Variants in SLC25A48 observed in about 807,000 individuals in gnomAD.
SLC25A48 encodes solute carrier family 25 member 48, also known as CTC-321K16.1.
In SLC25A48, 29 loss-of-function variants were observed where a neutral mutation model predicts 32.2. That is an observed-to-expected ratio of 0.90 (90% CI 0.67 to 1.23). The LOEUF (loss-of-function observed/expected upper bound fraction) is 1.23, where lower values mean the gene tolerates loss of function less well. Ranked by LOEUF, SLC25A48 falls within the 50% of genes most tolerant of loss-of-function variation. The probability of loss-of-function intolerance (pLI) is 0.00; values close to 1 mark genes in which losing one functional copy is unlikely to be tolerated. For synonymous variants in SLC25A48, 164 were observed against 172.3 expected, an observed-to-expected ratio of 0.95 and a Z score of 0.38; for missense variants, 399 against 422.7, an observed-to-expected ratio of 0.94 and a Z score of 0.49.
At chr5:135,692,832 A>G (rs951274237) in intron 3 of SLC25A48, among the ~76,000 whole-genome samples, 1 of 152,230 alleles carries the variant, frequency 6.6e-6, no homozygotes, top group African/African-American at 2.4e-5. Flanking sequence ...CTCAACTAAG[A>G]GATGAATATC....
intron 3 of SLC25A48, among the ~76,000 whole-genome samples, chr5:135,745,612 T>TGAGCAGGCTCCTAAGGTCCTCCC (rs1189299150): frequency 5.9e-5 from 9 of 152,228 alleles, no homozygotes; most frequent in African/African-American, 2.2e-4. Flanking sequence ...AAGGTCCTTC[T>TGAGCAGGCTCCTAAGGTCCTCCC]GAGCAGGCTC....
At chr5:135,881,912 C>T (rs1762497780) in intron 7 of SLC25A48, among the ~76,000 whole-genome samples, 2 of 152,292 alleles carry the variant, frequency 1.3e-5, no homozygotes, top group South Asian at 4.2e-4. Context: ...AAATCTTCAG[C>T]TACAAGATGG....
At chr5:135,863,995 C>T (rs187261914) in intron 4 of SLC25A48, among the ~76,000 whole-genome samples, 2 of 152,276 alleles carry the variant, frequency 1.3e-5, no homozygotes, top group East Asian at 1.9e-4. Flanking sequence ...GTCAGAAGCC[C>T]TGGCTCCATC....
intron 3 of SLC25A48, among the ~76,000 whole-genome samples, chr5:135,706,731 G>A (rs995839353): frequency 1.3e-5 from 2 of 152,072 alleles, no homozygotes; most frequent in African/African-American, 2.4e-5. Flanking sequence ...TAAGGGGCAC[G>A]GTCCCCTCCC....
At chr5:135,737,286 G>T (rs1755396621) in intron 3 of SLC25A48, among the ~76,000 whole-genome samples, 2 of 152,042 alleles carry the variant, frequency 1.3e-5, no homozygotes, top group Admixed American at 1.3e-4. Flanking sequence ...GCAGGGGTGG[G>T]GGTCACAAGG....
chr5:135,592,398 T>C (rs954066892), intron 1 of SLC25A48, among the ~76,000 whole-genome samples: 1 of 152,204 alleles, frequency 6.6e-6, no homozygotes, highest in Admixed American at 6.5e-5. Flanking sequence ...AAGTTCATTA[T>C]GAGATGTTCA....
chr5:135,829,010 C>T (rs772876485), intron 4 of SLC25A48, among the ~76,000 whole-genome samples: 1 of 152,212 alleles, frequency 6.6e-6, no homozygotes, highest in Non-Finnish European at 1.5e-5. Flanking sequence ...TGGGTTCTGC[C>T]CTCCAAATTT....
chr5:135,782,682 G>T (rs1045452647), intron 3 of SLC25A48, among the ~76,000 whole-genome samples: 1 of 117,994 alleles, frequency 8.5e-6, no homozygotes, highest in Admixed American at 8.7e-5. Flanking sequence ...TAATAACCAG[G>T]AAGGGAGAGG....
rs746415083 is a variant in SLC25A48 at position 135,784,219 on chromosome 5, T to C, written c.-520-28304T>C. ...CCTAACACTGCTTTGTTTTCTTCTA[T>C]CCAGGGAGAAAGAGGATGATATTAC... On this transcript the variant is annotated intron_variant, in intron 3 of 10. Coordinates refer to the SLC25A48 transcript ENST00000646290. Among the ~76,000 whole-genome samples the C allele has an allele frequency of 1.8e-5, 2 of 109,280 alleles. 1 individual carries two copies. Among genetic ancestry groups the C allele is most frequent in the Non-Finnish European group, 4.6e-5 (2 of 43,558 alleles). 71.7% of individuals were successfully genotyped at this position (109,280 alleles called of 152,430 possible).
intron 3 of SLC25A48, among the ~76,000 whole-genome samples, chr5:135,806,120 T>C (rs1405682702): frequency 1.3e-5 from 2 of 151,658 alleles, no homozygotes; most frequent in Non-Finnish European, 3.0e-5. Flanking sequence ...GTTGTCGTTT[T>C]TATCATCTTA....
intron 3 of SLC25A48, among the ~76,000 whole-genome samples, chr5:135,661,721 C>G (rs946545823): frequency 3.3e-5 from 5 of 152,188 alleles, no homozygotes; most frequent in African/African-American, 1.2e-4. Context: ...AATAATGAAT[C>G]ATACTATGCA....
chr5:135,736,671 G>T (rs773463955), intron 3 of SLC25A48, among the ~76,000 whole-genome samples: 1 of 152,140 alleles, frequency 6.6e-6, no homozygotes, highest in Non-Finnish European at 1.5e-5. Flanking sequence ...AGGCATCCCC[G>T]TGTGATCAGA....
intron 1 of SLC25A48, among the ~76,000 whole-genome samples, chr5:135,588,279 T>C (rs1177586691): frequency 6.6e-5 from 10 of 152,258 alleles, no homozygotes; most frequent in Admixed American, 6.5e-4. Context: ...AATTTGTTTA[T>C]CCTGTGGAGG....
At position 135,888,144 on chromosome 5, in the gene SLC25A48, C is replaced by T. The variant is rs547302414; in HGVS notation, c.*120C>T. On this transcript the variant is annotated 3_prime_UTR_variant, in exon 8 of 8. Coordinates refer to ENST00000681962, the MANE Select transcript of SLC25A48 (RefSeq NM_001349336.2). ...CTCCAAGTGGACATCAATTAGCAAG[C>T]GTGGGCTAGGATGGTGCAGACACTG... is the stretch of plus-strand genomic sequence containing the variant. The T allele has an allele frequency of 6.6e-6, 10 of 1,513,782 alleles. No individual in the cohort carries two copies. The East Asian group carries it at 1.2e-4, about 19-fold the overall frequency. 93.8% of individuals were successfully genotyped at this position (1,513,782 alleles called of 1,614,324 possible).
chr5:135,666,433 A>G (rs562539437), intron 3 of SLC25A48, among the ~76,000 whole-genome samples: 1 of 152,324 alleles, frequency 6.6e-6, no homozygotes, highest in Non-Finnish European at 1.5e-5. Flanking sequence ...ATGTTCAGGA[A>G]GAACTCAGCA....
intron 3 of SLC25A48, among the ~76,000 whole-genome samples, chr5:135,680,623 GC>G (rs1753873863): frequency 6.6e-6 from 1 of 152,202 alleles, no homozygotes; most frequent in Non-Finnish European, 1.5e-5. Context: ...ATAGTGTCAG[GC>G]AAGAGAGTGT....
intron 6 of SLC25A48, among the ~76,000 whole-genome samples, chr5:135,879,599 A>T (rs1004254170): frequency 9.9e-4 from 138 of 139,190 alleles, no homozygotes; most frequent in Non-Finnish European, 1.6e-3. Flanking sequence ...AGAGAGAGAG[A>T]GAGAGAGAGA....
intron 3 of SLC25A48, among the ~76,000 whole-genome samples, chr5:135,745,253 G>C (rs555896420): frequency 6.6e-6 from 1 of 152,296 alleles, no homozygotes; most frequent in South Asian, 2.1e-4. Context: ...GGAAACAAAG[G>C]GACAGGCTCT....
intron 4 of SLC25A48, among the ~76,000 whole-genome samples, chr5:135,819,916 G>C (rs1259510885): frequency 6.6e-6 from 1 of 152,070 alleles, no homozygotes; most frequent in Non-Finnish European, 1.5e-5. Flanking sequence ...GTTAAAAAGT[G>C]GTGGTAAGAA....
Sources: allele counts gnomAD v4.1 joint callset (sites outside exome capture counted in the v4.1 genomes callset), GRCh38; gene constraint gnomAD v4.1.1; transcripts MANE v1.5; gene names NCBI Gene and HGNC (gene_info 2026-07-23, HGNC 2026-07-21).